The following RRBP1 variants were observed in gnomAD, a reference collection of about 807,000 sequenced individuals.
The protein encoded by RRBP1 is ribosome binding protein 1.
RRBP1 carries 94 observed loss-of-function variants against 165.2 expected under a neutral mutation model. That is an observed-to-expected ratio of 0.57 (90% CI 0.48 to 0.68). The LOEUF (loss-of-function observed/expected upper bound fraction) is 0.68, where lower values mean the gene tolerates loss of function less well. Ranked by LOEUF, RRBP1 falls within the 30% of genes least tolerant of loss-of-function variation. The pLI is 0.00. For synonymous variants in RRBP1, 680 were observed against 714.5 expected, an observed-to-expected ratio of 0.95 and a Z score of 0.77; for missense variants, 1,676 against 1,763.0, an observed-to-expected ratio of 0.95 and a Z score of 0.88.
At position 17,627,653 on chromosome 20, in the gene RRBP1, C is replaced by A; in HGVS notation, c.2779G>T (p.Ala927Ser). 2 of 1,609,390 alleles carry A rather than the reference C, an allele frequency of 1.2e-6. No homozygotes were observed. Among genetic ancestry groups the A allele is most frequent in the Non-Finnish European group, 1.7e-6 (2 of 1,177,820 alleles). Reference sequence around the variant, plus strand: ...TCCTCGCATTTGCTGCGCACCTCCGCCTCGGAGGACTGTAACTTGCTGTGC... The same window carrying A: ...TCCTCGCATTTGCTGCGCACCTCCGACTCGGAGGACTGTAACTTGCTGTGC... ...ELHSKLQSSE[A>S]EVRSKCEELS... Residue 927 changes from alanine to serine, a missense_variant, in exon 10 of 25, where the codon GCG (alanine) becomes TCG (serine). By Grantham distance (99) the Ala-to-Ser change is moderately conservative. This residue lies in a region of RRBP1 where 1,184 missense variants were observed against 1,167.1 expected (regional missense o/e 1.01). Transcript: ENST00000377813.
At position 17,673,516 on chromosome 20, in the gene RRBP1, C is replaced by T. The variant is rs190952980; in HGVS notation, c.-22+6483G>A. ...CTCCGCCTCCCGGGTTCAATTGATT[C>T]TCCTGCCTCAGCCTCCCAAGTAGCT... On this transcript the variant is annotated intron_variant, in intron 2 of 24. Coordinates refer to ENST00000377813, the MANE Select transcript of RRBP1 (RefSeq NM_001365613.2). 2.3e-3 allele frequency among the ~76,000 whole-genome samples: 349 copies of T among 152,336 alleles called. 1 individual carries two copies. The highest frequency in any genetic ancestry group is 2.3e-3 in the Non-Finnish European group (155 of 68,040).
chr20:17,654,591 T>C (rs554123313), intron 3 of RRBP1, among the ~76,000 whole-genome samples: 1 of 152,358 alleles, frequency 6.6e-6, no homozygotes, highest in Non-Finnish European at 1.5e-5. Flanking sequence ...TCATCTGTCC[T>C]GAGCTTTTGC....
At chr20:17,677,431 A>G (rs1445222354) in intron 2 of RRBP1, among the ~76,000 whole-genome samples, 1 of 152,230 alleles carries the variant, frequency 6.6e-6, no homozygotes, top group African/African-American at 2.4e-5. Context: ...TTCTTCCTTT[A>G]AAGTTAAACT....
chr20:17,660,696 T>C (rs1291979181), intron 2 of RRBP1, among the ~76,000 whole-genome samples, 168 bp from the exon 3 acceptor site: 1 of 152,194 alleles, frequency 6.6e-6, no homozygotes, highest in Non-Finnish European at 1.5e-5. Flanking sequence ...TCTCACCTGC[T>C]CCTCTTTAGG....
chr20:17,628,170 T>C (rs1344215277), intron 9 of RRBP1, among the ~76,000 whole-genome samples: 2 of 152,010 alleles, frequency 1.3e-5, no homozygotes, highest in Non-Finnish European at 2.9e-5. Flanking sequence ...CCTTGAGGTG[T>C]CCTCCTCCTC....
rs532769693 is a variant in RRBP1 at position 17,664,583 on chromosome 20, T to C, written c.-21-4055A>G. On this transcript the variant is annotated intron_variant, in intron 2 of 24. Transcript: ENST00000377813. ...TCTTGAGAGAATGGCTCTTCTTCTG[T>C]TCTTAAGATTCGGGGAACAAAAGTA... 2.6e-3 allele frequency among the ~76,000 whole-genome samples: 399 copies of C among 152,334 alleles called. 3 individuals carry two copies. Among genetic ancestry groups the C allele is most frequent in the Admixed American group, 6.1e-3 (94 of 15,302 alleles).
rs370406627 is a variant in RRBP1 at position 17,656,467 on chromosome 20, G to A, written c.1912+2129C>T. Among the ~76,000 whole-genome samples the A allele has an allele frequency of 2.9e-4, 44 of 152,228 alleles. No individual in the cohort carries two copies. The South Asian group carries it at 9.1e-3, about 32-fold the overall frequency. On this transcript the variant is annotated intron_variant, in intron 3 of 24. Coordinates refer to ENST00000377813, the MANE Select transcript of RRBP1 (RefSeq NM_001365613.2). ...ACCTTAAATTTTTATAGAGGCAAGT[G>A]CTTGGCGGGTCTAAGAAGACTTTTC...
Position 17,614,694 on chromosome 20 carries a change from G to A in RRBP1, c.4194+43C>T, listed in dbSNP as rs752579225. 1.7e-5 allele frequency: 28 copies of A among 1,603,098 alleles called. No individual in the cohort carries two copies. The African/African-American group carries it at 3.5e-4, about 20-fold the overall frequency. ...CGGTCCTGCCTCCCCGGGGCTCCCG[G>A]CAGCTCGACTCCTCCCGCCCTGCTT... On this transcript the variant is annotated intron_variant, in intron 24 of 24. Coordinates refer to ENST00000377813, the MANE Select transcript of RRBP1 (RefSeq NM_001365613.2).
intron 8 of RRBP1, among the ~76,000 whole-genome samples, chr20:17,631,267 G>A (rs1327909649): frequency 1.3e-5 from 2 of 152,246 alleles, no homozygotes; most frequent in East Asian, 3.8e-4. Flanking sequence ...AGGATACATA[G>A]GGCAGGGTCA....
Position 17,652,668 on chromosome 20 carries a change from G to A in RRBP1, c.1912+5928C>T, listed in dbSNP as rs533306469. Among the ~76,000 whole-genome samples, 16 of 152,270 alleles carry A rather than the reference G, an allele frequency of 1.1e-4. No homozygotes were observed. In the South Asian group the frequency reaches 2.7e-3, roughly 26 times the overall value. ...TCAGGTTGGGCACACATGACCCCCA[G>A]AGAAGCTGGAGTGGGCAGGCCCCAG... On this transcript the variant is annotated intron_variant, in intron 3 of 24. Transcript: ENST00000377813.
At chr20:17,648,450 C>A (rs140935031) in intron 3 of RRBP1, among the ~76,000 whole-genome samples, 3 of 152,252 alleles carry the variant, frequency 2.0e-5, no homozygotes, top group African/African-American at 7.2e-5. Flanking sequence ...CTTGCCCAAG[C>A]GCTGCTCAGC....
At chr20:17,616,670 C>T in intron 21 of RRBP1, 62 bp downstream of exon 21, 2 of 1,141,518 alleles carry the variant, frequency 1.8e-6, no homozygotes, top group South Asian at 2.6e-5. Context: ...CGAACGGAGG[C>T]AGCAGGGCCT....
chr20:17,668,428 A>G (rs2036911131), intron 2 of RRBP1, among the ~76,000 whole-genome samples: 1 of 152,172 alleles, frequency 6.6e-6, no homozygotes, highest in African/African-American at 2.4e-5. Flanking sequence ...GGGCTTTATC[A>G]CTGGTAAACC....
intron 3 of RRBP1, among the ~76,000 whole-genome samples, chr20:17,657,790 G>A (rs1047222169): frequency 1.3e-5 from 2 of 152,206 alleles, no homozygotes; most frequent in Non-Finnish European, 2.9e-5. Context: ...CAGTGTTTAT[G>A]TTAATGCTCT....
Position 17,660,239 on chromosome 20 carries a change from G to A in RRBP1, c.269C>T (p.Pro90Leu). Residue 90 changes from proline (P) to leucine (L), a missense_variant, in exon 3 of 25, where the codon CCC becomes CTC. This residue lies in a region of RRBP1 where 392 missense variants were observed against 382.5 expected (regional missense o/e 1.02). Coordinates refer to ENST00000377813, the MANE Select transcript of RRBP1 (RefSeq NM_001365613.2). The part of the protein sequence containing the change: ...NGKIPDHDPA[P>L]NVTVLLREPV... ...TTCTCGAAGGAGGACAGTCACATTG[G>A]GGGCTGGATCATGATCAGGTATCTT... 1 of 1,612,472 alleles carries A rather than the reference G, an allele frequency of 6.2e-7. No individual in the cohort carries two copies.
intron 2 of RRBP1, among the ~76,000 whole-genome samples, chr20:17,676,406 T>C (rs374944023): frequency 2.0e-5 from 3 of 151,886 alleles, no homozygotes; most frequent in African/African-American, 4.8e-5. Context: ...TAGTTTCATT[T>C]TATAGGAGGG....
rs2035781294 is a variant in RRBP1 at position 17,615,492 on chromosome 20, T to A, written c.3989A>T (p.Glu1330Val). The change falls in exon 23 of 25, where the codon GAG becomes GTG. Residue 1330 changes from glutamate to valine, a missense_variant. Physicochemically the swap from Glu to Val is moderately radical, Grantham distance 121. Coordinates refer to ENST00000377813, the MANE Select transcript of RRBP1 (RefSeq NM_001365613.2). The part of the protein sequence containing the change: ...TSACRLQEEL[E>V]KLRTAGPLES... Reference sequence around the variant, plus strand: ...TAGGGGGCCGGCTGTGCGGAGCTTCTCCAATTCTTCTTGTAACCGACATGC... The same window carrying A: ...TAGGGGGCCGGCTGTGCGGAGCTTCACCAATTCTTCTTGTAACCGACATGC... 1 of 1,607,436 alleles carries A rather than the reference T, an allele frequency of 6.2e-7. No homozygotes were observed. The highest frequency in any genetic ancestry group is 8.5e-7 in the Non-Finnish European group (1 of 1,177,912).
At chr20:17,676,341 C>G (rs528986482) in intron 2 of RRBP1, among the ~76,000 whole-genome samples, 39 of 152,206 alleles carry the variant, frequency 2.6e-4, no homozygotes, top group African/African-American at 9.1e-4. Context: ...TATGAGACGG[C>G]GAGGAGTTAA....
chr20:17,658,821 T>C lies in RRBP1; in HGVS notation c.1687A>G (p.Ile563Val). Residue 563 changes from isoleucine to valine, a missense_variant, in exon 3 of 25, where the codon ATT (isoleucine) becomes GTT (valine). By Grantham distance (29) the Ile-to-Val change is conservative. Around this residue, in one of 5 missense-constraint regions of RRBP1, gnomAD observed 1,184 missense variants for 1,167.1 expected, o/e 1.01. Transcript: ENST00000377813. ...TCTGCTTTTTTCCCCTGGTTTGTAA[T>C]ACCCTCTACCTTTGTGCCCTGATTA... ...VANQGTKVEGITNQGKKAEGS... is the reference protein window; with the variant it reads ...VANQGTKVEGVTNQGKKAEGS... 1 of 1,613,984 alleles carries C rather than the reference T, an allele frequency of 6.2e-7. No individual in the cohort carries two copies. The highest frequency in any genetic ancestry group is 8.5e-7 in the Non-Finnish European group (1 of 1,179,882).
Sources: allele counts gnomAD v4.1 joint callset (sites outside exome capture counted in the v4.1 genomes callset), GRCh38; gene constraint gnomAD v4.1.1; regional missense constraint gnomAD v4.1.1; transcripts MANE v1.5; gene names NCBI Gene and HGNC (gene_info 2026-07-23, HGNC 2026-07-21).